Variants in NUP210 observed in about 807,000 individuals in gnomAD.
NUP210 encodes nucleoporin 210.
In NUP210, 151 loss-of-function variants were observed where a neutral mutation model predicts 196.0. The ratio of observed to expected loss-of-function variants is 0.77; its 90% CI spans 0.67 to 0.88. NUP210 has a LOEUF of 0.88. NUP210 is among the 40% of genes least tolerant of loss of function. The pLI, the probability that NUP210 is intolerant of heterozygous loss-of-function variation, is 0.00. For missense variants in NUP210, 2,314 were observed against 2,493.7 expected (o/e 0.93, Z 1.53); for synonymous variants, 1,070 against 1,052.7 (o/e 1.02, Z -0.32).
intron 1 of NUP210, among the ~76,000 whole-genome samples, chr3:13,405,555 A>G (rs1006064589): frequency 6.6e-6 from 1 of 152,156 alleles, no homozygotes; most frequent in Non-Finnish European, 1.5e-5. Context: ...GAATATATGC[A>G]TATGAGCTAT....
chr3:13,411,048 T>TA (rs1205663343), intron 1 of NUP210, among the ~76,000 whole-genome samples: 1 of 151,776 alleles, frequency 6.6e-6, no homozygotes, highest in Non-Finnish European at 1.5e-5. Flanking sequence ...AGTGAGTCTC[T>TA]AAAAAATAAT....
chr3:13,412,364 G>A (rs530575524), intron 1 of NUP210, among the ~76,000 whole-genome samples: 9 of 150,072 alleles, frequency 6.0e-5, no homozygotes, highest in East Asian at 2.0e-4. Flanking sequence ...CACCATGCTC[G>A]GCCCTTTTCT....
At chr3:13,331,522 C>G (rs1696995669) in intron 29 of NUP210, among the ~76,000 whole-genome samples, 1 of 152,228 alleles carries the variant, frequency 6.6e-6, no homozygotes, top group Non-Finnish European at 1.5e-5. Flanking sequence ...CCTAAATCCC[C>G]ATGGACAGCA....
At chr3:13,374,145 C>CA (rs2124913431) in intron 11 of NUP210, among the ~76,000 whole-genome samples, 1 of 152,220 alleles carries the variant, frequency 6.6e-6, no homozygotes, top group East Asian at 1.9e-4. Context: ...TGCTCACACT[C>CA]ATTTACTCTC....
chr3:13,317,700 G>A lies in NUP210; in HGVS notation c.5645C>T (p.Pro1882Leu), dbSNP rs374116276. The change falls in exon 40 of 40, where the codon CCA becomes CTA. Residue 1882 changes from proline to leucine, a missense_variant. Transcript: ENST00000254508. Reference protein sequence around the residue: ...KASPPSGLWSPAYASH With the variant: ...KASPPSGLWSLAYASH ...CGCGGCCTAGTGGGAGGCATAGGCTGGGCTCCACAGCCCTGAGGGAGGGCT... is the reference window on the plus strand; with the variant it reads ...CGCGGCCTAGTGGGAGGCATAGGCTAGGCTCCACAGCCCTGAGGGAGGGCT... 6.2e-7 allele frequency: 1 copy of A among 1,610,076 alleles called. No individual in the cohort carries two copies. Among genetic ancestry groups the A allele is most frequent in the Non-Finnish European group, 8.5e-7 (1 of 1,178,392 alleles).
Position 13,342,136 on chromosome 3 carries a change from G to C in NUP210, c.2965-13C>G, listed in dbSNP as rs1253008108. 1 of 1,613,866 alleles carries C rather than the reference G, an allele frequency of 6.2e-7. No homozygotes were observed. Among genetic ancestry groups the C allele is most frequent in the South Asian group, 1.1e-5 (1 of 91,048 alleles). Reference sequence around the variant, plus strand: ...TCCCAATCTCCACCTGCATCATGGGGACAGAGGTTCAGGGGCAGCCTCCAA... The same window carrying C: ...TCCCAATCTCCACCTGCATCATGGGCACAGAGGTTCAGGGGCAGCCTCCAA... On this transcript the variant is annotated splice_polypyrimidine_tract_variant and intron_variant, in intron 21 of 39. Coordinates refer to ENST00000254508, the MANE Select transcript of NUP210 (RefSeq NM_024923.4).
At chr3:13,383,749 G>A (rs893506957) in intron 6 of NUP210, among the ~76,000 whole-genome samples, 3 of 151,788 alleles carry the variant, frequency 2.0e-5, no homozygotes, top group African/African-American at 4.8e-5. Context: ...GGATGGTCTC[G>A]ATTTCCTGAC....
chr3:13,335,351 A>G, intron 28 of NUP210, 103 bp downstream of exon 28: 2 of 1,319,558 alleles, frequency 1.5e-6, no homozygotes, highest in Non-Finnish European at 2.1e-6. Flanking sequence ...AGAGCTTCTC[A>G]GGTCTCTCAG....
At position 13,413,151 on chromosome 3, in the gene NUP210, G is replaced by A. The variant is rs1241265284; in HGVS notation, c.167+6909C>T. Among the ~76,000 whole-genome samples the A allele has an allele frequency of 2.0e-5, 3 of 151,788 alleles. No individual in the cohort carries two copies. In the East Asian group the frequency reaches 5.8e-4, roughly 29 times the overall value. On this transcript the variant is annotated intron_variant, in intron 1 of 39. Coordinates refer to ENST00000254508, the MANE Select transcript of NUP210 (RefSeq NM_024923.4). ...GTGTTGGCACATGCCGGTAGCCCCA[G>A]CTACTCAGGAGGATGAGGCAGAAGA...
intron 20 of NUP210, chr3:13,345,304 A>G: frequency 1.1e-6 from 1 of 870,732 alleles, no homozygotes; most frequent in Non-Finnish European, 1.4e-6. Flanking sequence ...TTCAATGTGC[A>G]AATGAGTTAA....
intron 28 of NUP210, among the ~76,000 whole-genome samples, chr3:13,332,848 G>T (rs1295615165): frequency 6.6e-6 from 1 of 152,230 alleles, no homozygotes; most frequent in Non-Finnish European, 1.5e-5. Flanking sequence ...TCCGTGCCCA[G>T]TGAGGAAGAA....
At position 13,347,022 on chromosome 3, in the gene NUP210, G is replaced by A; in HGVS notation, c.2836-3719C>T. ...CACAGATCAGTCTCAGGGAAAAGGTGGATGCACCTGACTTCAGGCCCTGCA... is the reference window on the plus strand; with the variant it reads ...CACAGATCAGTCTCAGGGAAAAGGTAGATGCACCTGACTTCAGGCCCTGCA... On this transcript the variant is annotated intron_variant, in intron 20 of 39. Coordinates refer to ENST00000254508, the MANE Select transcript of NUP210 (RefSeq NM_024923.4). This position sits in a 1 kb window ranked among gnomAD's most constrained non-coding sequence, Gnocchi z 4.7. The A allele has an allele frequency of 1.0e-6, 1 of 985,402 alleles. No homozygotes were observed. The highest frequency in any genetic ancestry group is 1.2e-6 in the Non-Finnish European group (1 of 829,906). The allele number at this position is 985,402 out of a possible 1,614,324, so 61.0% of individuals were successfully genotyped here. A position where few individuals can be genotyped will look rare whatever the true frequency, so the allele number is the denominator to read the frequency against.
Position 13,351,885 on chromosome 3 carries a change from G to A in NUP210, c.2829C>T (p.Val943=), listed in dbSNP as rs757176224. 12 of 1,611,264 alleles carry A rather than the reference G, an allele frequency of 7.4e-6. No homozygotes were observed. In the East Asian group the frequency reaches 8.9e-5, roughly 12 times the overall value. The change falls in exon 20 of 40, where the codon GTC becomes GTT. Residue 943 remains valine (V), a synonymous_variant. Transcript: ENST00000254508. ...ACCGATGGCCCAAGCTTACCATGGC[G>A]ACACCCCTGGCCTCCTGGTAGGCCA... ...VKVAYQEARG[V]AMVHPLLPGS...
At position 13,348,957 on chromosome 3, in the gene NUP210, T is replaced by G; in HGVS notation, c.2835+2922A>C. The G allele has an allele frequency of 1.1e-6, 1 of 912,116 alleles. No individual in the cohort carries two copies. The highest frequency in any genetic ancestry group is 3.0e-5 in the African/African-American group (1 of 33,230). 56.5% of individuals were successfully genotyped at this position (912,116 alleles called of 1,614,324 possible). ...AAAAATAGAGATCTCTATTTTCTCTTGAAAATCAGAAGCTCTTGCCTCACA... is the reference window on the plus strand; with the variant it reads ...AAAAATAGAGATCTCTATTTTCTCTGGAAAATCAGAAGCTCTTGCCTCACA... On this transcript the variant is annotated intron_variant, in intron 20 of 39. Transcript: ENST00000254508. This position sits in a 1 kb window ranked among gnomAD's most constrained non-coding sequence, Gnocchi z 4.0.
intron 1 of NUP210, among the ~76,000 whole-genome samples, chr3:13,414,380 C>A (rs1396784433): frequency 6.6e-6 from 1 of 152,248 alleles, no homozygotes; most frequent in Non-Finnish European, 1.5e-5. Flanking sequence ...CACTTCCTGG[C>A]ACTTCCCTGC....
intron 14 of NUP210, among the ~76,000 whole-genome samples, chr3:13,362,838 G>A (rs529693098): frequency 6.6e-6 from 1 of 152,214 alleles, no homozygotes; most frequent in South Asian, 2.1e-4. Context: ...AGTTCTGCAT[G>A]CCACTCAGGC....
intron 30 of NUP210, among the ~76,000 whole-genome samples, chr3:13,329,919 A>C (rs1696927328): frequency 6.6e-6 from 1 of 152,254 alleles, no homozygotes; most frequent in Non-Finnish European, 1.5e-5. Context: ...AAGCTTAAGC[A>C]AGTCACTCTC....
chr3:13,399,676 C>T (rs201079228), intron 2 of NUP210, 49 bp downstream of exon 2: 9 of 1,610,866 alleles, frequency 5.6e-6, no homozygotes, highest in Non-Finnish European at 7.6e-6. Flanking sequence ...GTGGGCGTTT[C>T]CCTGTCTCTG....
At position 13,340,247 on chromosome 3, in the gene NUP210, C is replaced by A. The variant is rs758627580; in HGVS notation, c.3280G>T (p.Ala1094Ser). The change falls in exon 24 of 40, where the codon GCC (alanine) becomes TCC (serine). Residue 1094 changes from alanine to serine, a missense_variant. Transcript: ENST00000254508. This position sits in a 1 kb window ranked among gnomAD's most constrained non-coding sequence, Gnocchi z 4.0. ...CTCTTGGCTCTCACCTGCATCGTGG[C>A]CCCGATAAGCAGTGTCACCTTCCTG... ...MPRKVTLLIGATMQVTSEGGP... is the reference protein window; with the variant it reads ...MPRKVTLLIGSTMQVTSEGGP... The A allele has an allele frequency of 6.2e-7, 1 of 1,613,412 alleles. No individual in the cohort carries two copies. Among genetic ancestry groups the A allele is most frequent in the South Asian group, 1.1e-5 (1 of 91,084 alleles).
Sources: gnomAD v4.1 joint callset for allele counts (sites outside exome capture counted in the v4.1 genomes callset) on GRCh38, gnomAD v4.1.1 for gene constraint, Gnocchi (gnomAD v3.1) non-coding constraint, MANE v1.5 for transcripts, NCBI Gene and HGNC (gene_info 2026-07-23, HGNC 2026-07-21) for gene names.